Variants in SGCZ observed in about 807,000 individuals in gnomAD.
SGCZ encodes sarcoglycan zeta.
SGCZ carries 40 observed loss-of-function variants against 41.3 expected under a neutral mutation model. The observed-to-expected ratio is 0.97, with a 90% CI of 0.75 to 1.26. The LOEUF is 1.26. Ranked by LOEUF, SGCZ falls within the 50% of genes most tolerant of loss-of-function variation. The pLI, the probability that SGCZ is intolerant of heterozygous loss-of-function variation, is 0.00. For synonymous variants in SGCZ, 206 were observed against 137.5 expected (o/e 1.50, Z -3.49); for missense variants, 552 against 369.8 (o/e 1.49, Z -4.04).
intron 1 of SGCZ, among the ~76,000 whole-genome samples, chr8:14,562,558 T>A (rs887037964): frequency 6.6e-6 from 1 of 152,060 alleles, no homozygotes; most frequent in Non-Finnish European, 1.5e-5. Context: ...AAAGAGAATA[T>A]CTTTCAGAGC....
intron 3 of SGCZ, among the ~76,000 whole-genome samples, chr8:14,291,051 T>G (rs1490627742): frequency 6.6e-6 from 1 of 152,062 alleles, no homozygotes; most frequent in Non-Finnish European, 1.5e-5. Context: ...ATGGATGAAC[T>G]TGGAGGACAT....
intron 1 of SGCZ, among the ~76,000 whole-genome samples, chr8:14,847,493 C>T (rs1330873709): frequency 7.1e-6 from 1 of 140,852 alleles, no homozygotes; most frequent in African/African-American, 2.5e-5. Flanking sequence ...CTATGTAATT[C>T]ACCATATTAA....
At chr8:15,118,899 G>A (rs141591067) in intron 1 of SGCZ, among the ~76,000 whole-genome samples, 15 of 152,222 alleles carry the variant, frequency 9.9e-5, no homozygotes, top group South Asian at 2.1e-4. Context: ...GTATAGACAC[G>A]TTCCAGATGA....
At chr8:14,620,791 A>T (rs151280076) in intron 1 of SGCZ, among the ~76,000 whole-genome samples, 40,850 of 152,014 alleles carry the variant, frequency 0.27, 5,553 homozygotes, top group Non-Finnish European at 0.28. Flanking sequence ...AGGAAACAAC[A>T]GGTGCTGGAA....
chr8:14,379,953 G>C (rs1371057051), intron 2 of SGCZ, among the ~76,000 whole-genome samples: 4 of 152,056 alleles, frequency 2.6e-5, no homozygotes, highest in Admixed American at 1.3e-4. Context: ...GCCTGGTCTT[G>C]AACTCCCGAC....
intron 1 of SGCZ, among the ~76,000 whole-genome samples, chr8:14,651,209 T>C (rs909819651): frequency 6.6e-6 from 1 of 152,042 alleles, no homozygotes; most frequent in African/African-American, 2.4e-5. Context: ...CAATCAGATA[T>C]GAAAAAGTAG....
At position 14,124,168 on chromosome 8, in the gene SGCZ, T is replaced by A. The variant is rs73217944; in HGVS notation, c.548-15933A>T. On this transcript the variant is annotated intron_variant, in intron 5 of 7. Transcript: ENST00000382080. The stretch of plus-strand genomic sequence containing the variant: ...ATTTGTGTTTTGTAAGCTGCTAAAT[T>A]TTTAGTAATTATAACAGCAGCACCA... Among the ~76,000 whole-genome samples the A allele has an allele frequency of 1.8e-3, 274 of 152,340 alleles. 1 individual carries two copies. The highest frequency in any genetic ancestry group is 3.7e-3 in the South Asian group (18 of 4,834).
intron 4 of SGCZ, among the ~76,000 whole-genome samples, chr8:14,169,766 A>G (rs1804318962): frequency 6.6e-6 from 1 of 152,196 alleles, no homozygotes; most frequent in African/African-American, 2.4e-5. Context: ...AGTTTTGAAA[A>G]AGAGGCATAT....
chr8:14,483,317 C>T (rs1269886966), intron 2 of SGCZ, among the ~76,000 whole-genome samples: 1 of 152,176 alleles, frequency 6.6e-6, no homozygotes, highest in Non-Finnish European at 1.5e-5. Context: ...TACTTGTAAT[C>T]CCAACACTTT....
chr8:14,972,797 C>A (rs1230933072), intron 1 of SGCZ, among the ~76,000 whole-genome samples: 1 of 152,150 alleles, frequency 6.6e-6, no homozygotes, highest in African/African-American at 2.4e-5. Context: ...CACTCCTGAT[C>A]TTTGTGCTAT....
intron 3 of SGCZ, among the ~76,000 whole-genome samples, chr8:14,259,861 G>C (rs1188233398): frequency 6.6e-6 from 1 of 151,870 alleles, no homozygotes; most frequent in African/African-American, 2.4e-5. Context: ...GGCATTGGTA[G>C]CTTGATGGGG....
At chr8:14,238,450 T>C (rs1585264957) in intron 3 of SGCZ, among the ~76,000 whole-genome samples, 2 of 152,346 alleles carry the variant, frequency 1.3e-5, no homozygotes, top group East Asian at 3.9e-4. Context: ...CACAAGGAAG[T>C]ATATACAATA....
At position 14,086,995 on chromosome 8, in the gene SGCZ, T is replaced by C. The variant is rs146462865; in HGVS notation, c.*3448A>G. Among the ~76,000 whole-genome samples the C allele has an allele frequency of 2.0e-5, 3 of 151,726 alleles. No individual in the cohort carries two copies. Among genetic ancestry groups the C allele is most frequent in the Non-Finnish European group, 4.4e-5 (3 of 67,690 alleles). On this transcript the variant is annotated 3_prime_UTR_variant, in exon 8 of 8. Coordinates refer to ENST00000382080, the MANE Select transcript of SGCZ (RefSeq NM_139167.4). ...AACGTAATTAAATATATGTCTTAAG[T>C]AGGTAAGTTCACATGACTAGCCAGG...
In SGCZ at chr8:14,694,659, G is replaced by A. The variant is rs150603681; in HGVS notation, c.40-139733C>T. ...CAATGAACACTCCCACATCTAACACGGTGCCAGGCTCAATACATTTCAGGC... is the reference window on the plus strand; with the variant it reads ...CAATGAACACTCCCACATCTAACACAGTGCCAGGCTCAATACATTTCAGGC... On this transcript the variant is annotated intron_variant, in intron 1 of 7. Transcript: ENST00000382080. 1.8e-3 allele frequency among the ~76,000 whole-genome samples: 279 copies of A among 152,142 alleles called. 2 individuals carry two copies. The highest frequency in any genetic ancestry group is 6.3e-3 in the African/African-American group (262 of 41,500).
chr8:14,776,198 C>T (rs1264978384), intron 1 of SGCZ, among the ~76,000 whole-genome samples: 1 of 151,992 alleles, frequency 6.6e-6, no homozygotes, highest in African/African-American at 2.4e-5. Flanking sequence ...GACTGTGTCT[C>T]CACCCAAATC....
chr8:14,573,685 GTAAAAAA>G (rs1371542179), intron 1 of SGCZ, among the ~76,000 whole-genome samples: 1 of 152,022 alleles, frequency 6.6e-6, no homozygotes, highest in Non-Finnish European at 1.5e-5. Context: ...CAGCATCAGT[GTAAAAAA>G]TTCTTTTAAA....
At chr8:14,595,201 T>C (rs1226791926) in intron 1 of SGCZ, among the ~76,000 whole-genome samples, 1 of 152,162 alleles carries the variant, frequency 6.6e-6, no homozygotes, top group Non-Finnish European at 1.5e-5. Flanking sequence ...ACCACTGTCA[T>C]CCACTACTCT....
intron 1 of SGCZ, among the ~76,000 whole-genome samples, chr8:15,125,677 T>C (rs1460362079): frequency 1.3e-5 from 2 of 152,182 alleles, no homozygotes; most frequent in African/African-American, 2.4e-5. Flanking sequence ...ATAATACTGA[T>C]ATATGTACTT....
intron 3 of SGCZ, among the ~76,000 whole-genome samples, chr8:14,249,953 C>T (rs568651353): frequency 1.3e-3 from 194 of 152,252 alleles, no homozygotes; most frequent in Middle Eastern, 6.8e-3. Context: ...ATATGTCAGA[C>T]CAAATAGCAC....
Sources: gnomAD v4.1 joint callset for allele counts (sites outside exome capture counted in the v4.1 genomes callset) on GRCh38, gnomAD v4.1.1 for gene constraint, MANE v1.5 for transcripts, NCBI Gene and HGNC (gene_info 2026-07-23, HGNC 2026-07-21) for gene names.